WT1: variants seen among roughly 807,000 people sequenced by gnomAD.
The protein encoded by WT1 is WT1 transcription factor.
In WT1, 8 loss-of-function variants were observed where a neutral mutation model predicts 60.8. The ratio of observed to expected loss-of-function variants is 0.13; its 90% CI spans 0.08 to 0.24. WT1 has a LOEUF of 0.24. WT1 is among the 10% of genes least tolerant of loss of function. The probability of loss-of-function intolerance (pLI) is 1.00; values close to 1 mark genes in which losing one functional copy is unlikely to be tolerated. For synonymous variants in WT1, 312 were observed against 297.1 expected, an observed-to-expected ratio of 1.05 and a Z score of -0.52; for missense variants, 568 against 711.8, an observed-to-expected ratio of 0.80 and a Z score of 2.30.
At chr11:32,422,023 C>T (rs991380223) in intron 3 of WT1, among the ~76,000 whole-genome samples, 7 of 152,172 alleles carry the variant, frequency 4.6e-5, no homozygotes, top group South Asian at 2.1e-4. Flanking sequence ...CCAGCTTTTT[C>T]GGTAATAGCT....
At chr11:32,407,554 G>A (rs1019390351) in intron 5 of WT1, among the ~76,000 whole-genome samples, 13 of 152,042 alleles carry the variant, frequency 8.6e-5, no homozygotes, top group African/African-American at 1.2e-4. Context: ...CTTCACCTCC[G>A]TCTTCTCCCC....
chr11:32,431,068 C>A (rs933709759), intron 1 of WT1, among the ~76,000 whole-genome samples: 9 of 152,294 alleles, frequency 5.9e-5, no homozygotes, highest in Admixed American at 5.9e-4. Context: ...GGAGCGCAAC[C>A]TTGACCGTGC....
chr11:32,424,465 T>A (rs1426098866), intron 3 of WT1, among the ~76,000 whole-genome samples: 2 of 152,196 alleles, frequency 1.3e-5, no homozygotes, highest in Non-Finnish European at 2.9e-5. Context: ...CAGCATGCAA[T>A]AAATTCCAGT....
intron 2 of WT1, 53 bp from the exon 3 acceptor site, chr11:32,428,111 G>T: frequency 6.7e-7 from 1 of 1,497,058 alleles, no homozygotes; most frequent in Non-Finnish European, 9.0e-7. Flanking sequence ...GGCTCGGGGT[G>T]CGAGGCTGCG....
chr11:32,435,112 C>A lies in WT1; in HGVS notation c.249G>T (p.Ala83=). ...CCAGGGAGGGGACGGCGGGCAGCAG[C>A]GCGTTCAGGTCCCGCACGTCGGAGC... The change falls in exon 1 of 10, where the codon GCG becomes GCT. Residue 83 remains alanine (A), a synonymous_variant. Transcript: ENST00000452863. 1 of 1,509,100 alleles carries A rather than the reference C, an allele frequency of 6.6e-7. No individual in the cohort carries two copies. The highest frequency in any genetic ancestry group is 8.8e-7 in the Non-Finnish European group (1 of 1,136,856). The allele number at this position is 1,509,100 out of a possible 1,614,324, so 93.5% of individuals were successfully genotyped here.
intron 5 of WT1, 98 bp downstream of exon 5, chr11:32,416,392 C>A (rs1011420158): frequency 5.0e-5 from 74 of 1,482,296 alleles, no homozygotes; most frequent in Non-Finnish European, 6.4e-5. Flanking sequence ...CAAATGCTAC[C>A]CTGATTACCC....
intron 5 of WT1, among the ~76,000 whole-genome samples, chr11:32,410,990 G>A (rs1030113526): frequency 1.3e-5 from 2 of 151,838 alleles, no homozygotes; most frequent in African/African-American, 4.8e-5. Flanking sequence ...GAAGAGATCA[G>A]GGATAGGAGA....
intron 1 of WT1, chr11:32,430,437 A>AAAGAGAGAGAGGGAGGGG: frequency 7.6e-7 from 1 of 1,311,008 alleles, no homozygotes; most frequent in East Asian, 2.8e-5. Context: ...AGACACAGAG[A>AAAGAGAGAGAGGGAGGGG]GAGAGAGAGA....
At chr11:32,401,519 G>T (rs1852155744) in intron 5 of WT1, among the ~76,000 whole-genome samples, 1 of 151,588 alleles carries the variant, frequency 6.6e-6, no homozygotes, top group Non-Finnish European at 1.5e-5. Context: ...GGGGGGTGTG[G>T]TCCGAGAAGG....
At chr11:32,415,099 G>A (rs1161438530) in intron 5 of WT1, among the ~76,000 whole-genome samples, 2 of 152,082 alleles carry the variant, frequency 1.3e-5, no homozygotes, top group Non-Finnish European at 2.9e-5. Context: ...CTTAACCATG[G>A]AAATATCCAG....
At chr11:32,416,360 G>T (rs538495208) in intron 5 of WT1, 130 bp downstream of exon 5, 8 of 1,127,124 alleles carry the variant, frequency 7.1e-6, no homozygotes, top group Non-Finnish European at 1.1e-5. Context: ...GGGGGCGGGG[G>T]AGAGAGATTC....
Position 32,388,849 on chromosome 11 carries a change from T to A in WT1, c.*209A>T. 1 of 801,066 alleles carries A rather than the reference T, an allele frequency of 1.2e-6. No individual in the cohort carries two copies. The highest frequency in any genetic ancestry group is 1.9e-6 in the Non-Finnish European group (1 of 519,408). 49.6% of individuals were successfully genotyped at this position (801,066 alleles called of 1,614,324 possible). On this transcript the variant is annotated 3_prime_UTR_variant, in exon 10 of 10. Transcript: ENST00000452863. ...CATTGTTAGCTGCTTCTCCAGGGCC[T>A]GTGAGTCAACTAAAAGTAGGCAGGG...
At chr11:32,429,337 C>G (rs1208647128) in intron 1 of WT1, among the ~76,000 whole-genome samples, 1 of 152,090 alleles carries the variant, frequency 6.6e-6, no homozygotes, top group Non-Finnish European at 1.5e-5. Flanking sequence ...TAGGAGCCAA[C>G]TTCCTCACTC....
intron 1 of WT1, chr11:32,430,828 G>C: frequency 7.8e-7 from 1 of 1,285,298 alleles, no homozygotes; most frequent in Non-Finnish European, 9.8e-7. Flanking sequence ...GCGGAGCGGA[G>C]GGAGGTCTCT....
intron 1 of WT1, among the ~76,000 whole-genome samples, chr11:32,432,858 A>C (rs1225485712): frequency 6.6e-6 from 1 of 152,208 alleles, no homozygotes; most frequent in African/African-American, 2.4e-5. Context: ...TAGAAGTACT[A>C]AAAAGATAAT....
intron 1 of WT1, chr11:32,430,452 G>GGGAGAGAGAGAGAGAC (rs1491568550): frequency 7.8e-7 from 1 of 1,284,194 alleles, no homozygotes; most frequent in East Asian, 3.1e-5. Context: ...GAGAGAGAGG[G>GGGAGAGAGAGAGAGAC]AGGGAGAGAG....
In WT1 at chr11:32,417,606, A is replaced by T; in HGVS notation, c.936T>A (p.Asn312Lys). The T allele has an allele frequency of 6.2e-7, 1 of 1,614,060 alleles. No individual in the cohort carries two copies. Among genetic ancestry groups the T allele is most frequent in the Non-Finnish European group, 8.5e-7 (1 of 1,179,960 alleles). Residue 312 changes from asparagine to lysine, a missense_variant, in exon 4 of 10, where the codon AAT becomes AAA. By Grantham distance (94) the Asn-to-Lys change is moderately conservative. Around this residue, in one of 3 missense-constraint regions of WT1, gnomAD observed 523 missense variants for 565.1 expected, o/e 0.93. Coordinates refer to ENST00000452863, the MANE Select transcript of WT1 (RefSeq NM_024426.6). ...TTAAGGTGGCTCCTAAGTTCATCTG[A>T]TTCCAGGTCATGCATTCAAGCTGGG...
At chr11:32,401,384 G>A (rs1048288696) in intron 5 of WT1, among the ~76,000 whole-genome samples, 3 of 152,112 alleles carry the variant, frequency 2.0e-5, no homozygotes, top group African/African-American at 4.8e-5. Context: ...TGCTGAAAAC[G>A]TCCTAAAATT....
At chr11:32,414,789 C>A (rs1175114355) in intron 5 of WT1, among the ~76,000 whole-genome samples, 1 of 151,448 alleles carries the variant, frequency 6.6e-6, no homozygotes, top group Non-Finnish European at 1.5e-5. Context: ...AGGAGAATCA[C>A]TTGAACCCAG....
Sources: gnomAD v4.1 joint callset for allele counts (sites outside exome capture counted in the v4.1 genomes callset) on GRCh38, gnomAD v4.1.1 for gene constraint, gnomAD v4.1.1 regional missense constraint, MANE v1.5 for transcripts, NCBI Gene and HGNC (gene_info 2026-07-23, HGNC 2026-07-21) for gene names.